Variants in GALNT16 observed in about 807,000 individuals in gnomAD.
The protein encoded by GALNT16 is UDP-GalNAc:polypeptide N-acetylgalactosaminyltransferase-like protein 1.
In GALNT16, 40 loss-of-function variants were observed where a neutral mutation model predicts 76.1. The ratio of observed to expected loss-of-function variants is 0.53; its 90% CI spans 0.41 to 0.68. The LOEUF (loss-of-function observed/expected upper bound fraction) is 0.68. Ranked by LOEUF, GALNT16 falls within the 30% of genes least tolerant of loss-of-function variation. GALNT16 has a pLI of 0.00. For missense variants in GALNT16, 621 were observed against 731.9 expected (o/e 0.85, Z 1.75); for synonymous variants, 276 against 285.2 (o/e 0.97, Z 0.32).
chr14:69,286,596 G>T (rs769974928), intron 1 of GALNT16, among the ~76,000 whole-genome samples: 1 of 152,060 alleles, frequency 6.6e-6, no homozygotes, highest in Non-Finnish European at 1.5e-5. Flanking sequence ...GAGCCACTGC[G>T]CCCGGCCAAA....
chr14:69,382,789 C>CAAAAAAAAAAAAAAAAAAAA, the GALNT16 span, among the ~76,000 whole-genome samples: 6 of 103,134 alleles, frequency 5.8e-5, no homozygotes, highest in African/African-American at 2.2e-4. Flanking sequence ...ACTCTATCTC[C>CAAAAAAAAAAAAAAAAAAAA]AAAAGAAAAA....
At chr14:69,347,775 T>A in intron 13 of GALNT16, 102 bp from the exon 14 acceptor site, 1 of 1,237,136 alleles carries the variant, frequency 8.1e-7, no homozygotes, top group Middle Eastern at 1.9e-4. Flanking sequence ...TTTGTAGAAA[T>A]CTTACAAAAA....
At chr14:69,268,514 C>T (rs2044367206) in intron 1 of GALNT16, among the ~76,000 whole-genome samples, 1 of 152,122 alleles carries the variant, frequency 6.6e-6, no homozygotes, top group South Asian at 2.1e-4. Context: ...AGGGGCCCCT[C>T]CTGCCTCCAC....
intron 1 of GALNT16, among the ~76,000 whole-genome samples, chr14:69,289,076 C>T (rs951352619): frequency 6.6e-6 from 1 of 152,162 alleles, no homozygotes; most frequent in African/African-American, 2.4e-5. Flanking sequence ...CAGGGTCTCG[C>T]CCTGTTGCCC....
At chr14:69,366,482 C>T in the GALNT16 span, among the ~76,000 whole-genome samples, 5 of 152,238 alleles carry the variant, frequency 3.3e-5, no homozygotes, top group East Asian at 7.7e-4. Flanking sequence ...GGGCCCTCTG[C>T]TCATCCATGT....
chr14:69,366,867 T>C, the GALNT16 span, among the ~76,000 whole-genome samples: 1 of 152,118 alleles, frequency 6.6e-6, no homozygotes, highest in African/African-American at 2.4e-5. Flanking sequence ...GCAGAGATGA[T>C]TGAGGGAAGT....
At chr14:69,334,941 C>T (rs1285221415) in intron 9 of GALNT16, among the ~76,000 whole-genome samples, 3 of 152,058 alleles carry the variant, frequency 2.0e-5, no homozygotes, top group South Asian at 2.1e-4. Flanking sequence ...CTTCACAGAG[C>T]CCTCTCCCAC....
chr14:69,381,938 G>A, the GALNT16 span, among the ~76,000 whole-genome samples: 367 of 152,284 alleles, frequency 2.4e-3, 2 homozygotes, highest in African/African-American at 8.5e-3. Context: ...TGATCCAGCC[G>A]CCTCGGCCGC....
intron 1 of GALNT16, among the ~76,000 whole-genome samples, chr14:69,270,517 G>A (rs971826830): frequency 2.0e-5 from 3 of 152,234 alleles, no homozygotes; most frequent in African/African-American, 7.2e-5. Flanking sequence ...TCTTCTCACA[G>A]CAGCTCTGCC....
At chr14:69,325,187 G>A (rs539118000) in intron 3 of GALNT16, 150 bp from the exon 4 acceptor site, 1 of 641,444 alleles carries the variant, frequency 1.6e-6, no homozygotes, top group South Asian at 1.8e-5. Flanking sequence ...TTTCCTCAAT[G>A]AACTTAGACA....
At chr14:69,375,564 G>C in the GALNT16 span, among the ~76,000 whole-genome samples, 4 of 152,110 alleles carry the variant, frequency 2.6e-5, no homozygotes, top group African/African-American at 9.7e-5. Flanking sequence ...CCAACCGCAG[G>C]TTTCCACATT....
chr14:69,278,122 C>T (rs905775272), intron 1 of GALNT16, among the ~76,000 whole-genome samples: 1 of 151,970 alleles, frequency 6.6e-6, no homozygotes, highest in Non-Finnish European at 1.5e-5. Context: ...ATCTACCCAC[C>T]TCAGCCTCAG....
At position 69,261,256 on chromosome 14, in the gene GALNT16, C is replaced by T. The variant is rs1460257232; in HGVS notation, c.177+789C>T. ...GCGGGGGCCCTTGGCGCTCTGGGGA[C>T]CCGGGCGGGGGCGTGCGGAGCCGCA... On this transcript the variant is annotated intron_variant, in intron 1 of 14. Coordinates refer to ENST00000448469, the MANE Select transcript of GALNT16 (RefSeq NM_001168368.2). This position sits in a 1 kb window ranked among gnomAD's most constrained non-coding sequence, Gnocchi z 6.4. 2.0e-5 allele frequency among the ~76,000 whole-genome samples: 3 copies of T among 151,894 alleles called. No homozygotes were observed. Among genetic ancestry groups the T allele is most frequent in the African/African-American group, 7.3e-5 (3 of 41,362 alleles).
chr14:69,292,089 CTTA>C (rs1340259714), intron 1 of GALNT16, among the ~76,000 whole-genome samples: 1 of 152,206 alleles, frequency 6.6e-6, no homozygotes, highest in Non-Finnish European at 1.5e-5. Context: ...TCAACACAAG[CTTA>C]ACAGTAGCTG....
At chr14:69,270,186 T>C (rs116148040) in intron 1 of GALNT16, among the ~76,000 whole-genome samples, 41 of 152,186 alleles carry the variant, frequency 2.7e-4, no homozygotes, top group African/African-American at 9.9e-4. Flanking sequence ...GGGCCTTCCC[T>C]AAGACACAGA....
At chr14:69,296,779 T>G (rs1566869319) in intron 1 of GALNT16, among the ~76,000 whole-genome samples, 1 of 143,178 alleles carries the variant, frequency 7.0e-6, no homozygotes, top group Non-Finnish European at 1.5e-5. Flanking sequence ...GACAGATAGA[T>G]GATAGAGATA....
chr14:69,299,498 G>T (rs2044818041), intron 1 of GALNT16, among the ~76,000 whole-genome samples: 1 of 152,194 alleles, frequency 6.6e-6, no homozygotes, highest in African/African-American at 2.4e-5. Flanking sequence ...ACCTCCGGGG[G>T]TGCTCCAGAG....
chr14:69,276,015 C>T (rs2044466493), intron 1 of GALNT16, among the ~76,000 whole-genome samples: 1 of 152,126 alleles, frequency 6.6e-6, no homozygotes, highest in South Asian at 2.1e-4. Context: ...GAGGAGGAAG[C>T]AAAAGTGGAG....
At chr14:69,307,883 C>T (rs113384858) in intron 1 of GALNT16, among the ~76,000 whole-genome samples, 8 of 152,314 alleles carry the variant, frequency 5.3e-5, no homozygotes, top group African/African-American at 1.9e-4. Context: ...CTTGGCTTCT[C>T]GGCCCCCACC....
Sources: gnomAD v4.1 joint callset for allele counts (sites outside exome capture counted in the v4.1 genomes callset) on GRCh38, gnomAD v4.1.1 for gene constraint, Gnocchi (gnomAD v3.1) non-coding constraint, MANE v1.5 for transcripts, NCBI Gene and HGNC (gene_info 2026-07-23, HGNC 2026-07-21) for gene names.